The following DCDC1 variants were observed in gnomAD, a reference collection of about 807,000 sequenced individuals.
The protein encoded by DCDC1 is doublecortin domain-containing protein 1.
DCDC1 carries 200 observed loss-of-function variants against 178.3 expected under a neutral mutation model. That is an observed-to-expected ratio of 1.12 (90% CI 1.00 to 1.26). DCDC1 has a LOEUF of 1.26. DCDC1 is among the 50% of genes most tolerant of loss of function. DCDC1 has a pLI of 0.00. For synonymous variants in DCDC1, 690 were observed against 604.8 expected, an observed-to-expected ratio of 1.14 and a Z score of -2.07; for missense variants, 1,983 against 1,749.2, an observed-to-expected ratio of 1.13 and a Z score of -2.38.
chr11:30,913,200 T>C (rs1421038653), intron 27 of DCDC1, among the ~76,000 whole-genome samples: 1 of 152,026 alleles, frequency 6.6e-6, no homozygotes, highest in African/African-American at 2.4e-5. Context: ...GGAGGGCGGA[T>C]CACAAGGTCA....
chr11:31,048,255 G>A (rs953201489), intron 20 of DCDC1, among the ~76,000 whole-genome samples: 1 of 152,138 alleles, frequency 6.6e-6, no homozygotes, highest in Admixed American at 6.5e-5. Flanking sequence ...ATACAAAAAT[G>A]AGAAATTAAT....
chr11:31,346,692 A>G (rs931318023), intron 1 of DCDC1, among the ~76,000 whole-genome samples: 12 of 152,144 alleles, frequency 7.9e-5, no homozygotes, highest in Non-Finnish European at 1.8e-4. Context: ...CTTTTTTGTT[A>G]GACATATAAA....
At chr11:31,263,188 T>C (rs1944909580) in intron 8 of DCDC1, 14 of 1,002,076 alleles carry the variant, frequency 1.4e-5, no homozygotes, top group Non-Finnish European at 1.9e-5. Context: ...TAGCAGTTCA[T>C]TCAAATCTGA....
intron 9 of DCDC1, among the ~76,000 whole-genome samples, chr11:31,193,436 G>T (rs1408851705): frequency 6.6e-6 from 1 of 151,912 alleles, no homozygotes; most frequent in East Asian, 1.9e-4. Context: ...TTCATATCTT[G>T]GGTTTTCAGA....
At chr11:31,069,307 G>T (rs1309259760) in intron 18 of DCDC1, among the ~76,000 whole-genome samples, 2 of 152,044 alleles carry the variant, frequency 1.3e-5, no homozygotes, top group East Asian at 3.8e-4. Flanking sequence ...TTAGCAAAAA[G>T]AAGTTTAATC....
chr11:30,976,894 G>T (rs1950133723), intron 20 of DCDC1, among the ~76,000 whole-genome samples: 1 of 152,128 alleles, frequency 6.6e-6, no homozygotes, highest in Non-Finnish European at 1.5e-5. Flanking sequence ...TGTCTTTATT[G>T]CAGCATTATT....
chr11:31,232,192 A>C (rs1975853286), intron 9 of DCDC1, among the ~76,000 whole-genome samples: 2 of 152,236 alleles, frequency 1.3e-5, no homozygotes, highest in Admixed American at 6.5e-5. Context: ...CCATCACCAG[A>C]TCATGCCCCC....
chr11:31,172,655 T>C (rs1967393967), intron 9 of DCDC1, among the ~76,000 whole-genome samples: 1 of 152,206 alleles, frequency 6.6e-6, no homozygotes, highest in Non-Finnish European at 1.5e-5. Context: ...TTACATACTG[T>C]ATTCTTACAA....
chr11:30,941,511 C>T (rs2134390928), intron 21 of DCDC1, among the ~76,000 whole-genome samples: 1 of 152,220 alleles, frequency 6.6e-6, no homozygotes, highest in Non-Finnish European at 1.5e-5. Flanking sequence ...TGCTATTTTC[C>T]TAGAGATCTG....
At chr11:31,031,771 T>C (rs976483508) in intron 20 of DCDC1, among the ~76,000 whole-genome samples, 7 of 152,120 alleles carry the variant, frequency 4.6e-5, no homozygotes, top group Non-Finnish European at 1.0e-4. Flanking sequence ...CAAATAAGCA[T>C]TGAACCTCAA....
At chr11:31,002,858 C>T (rs890511382) in intron 20 of DCDC1, among the ~76,000 whole-genome samples, 3 of 152,038 alleles carry the variant, frequency 2.0e-5, no homozygotes, top group African/African-American at 7.2e-5. Context: ...CTATAAATTT[C>T]TGTAACAATG....
chr11:30,892,925 T>C lies in DCDC1; in HGVS notation c.4975A>G (p.Lys1659Glu), dbSNP rs1365004933. 2 of 1,613,886 alleles carry C rather than the reference T, an allele frequency of 1.2e-6. No individual in the cohort carries two copies. Among genetic ancestry groups the C allele is most frequent in the East Asian group, 2.2e-5 (1 of 44,890 alleles). ...FPIATKRIAV[K>E]PSNLYKQPNT... is the part of the protein sequence containing the mutation. ...GGCTGCTTATACAGGTTGCTCGGCT[T>C]GACTGCTATACGTTTGGTTGCAATT... Residue 1659 changes from lysine (K) to glutamate (E), a missense_variant, in exon 36 of 39, where the codon AAG (lysine) becomes GAG (glutamate). Coordinates refer to ENST00000684477, the MANE Select transcript of DCDC1 (RefSeq NM_001387274.1).
At chr11:31,299,764 A>G (rs1427533374) in intron 6 of DCDC1, among the ~76,000 whole-genome samples, 2 of 152,244 alleles carry the variant, frequency 1.3e-5, no homozygotes, top group African/African-American at 4.8e-5. Context: ...AAGGGCAGGT[A>G]GAAAAATAAC....
At chr11:31,132,432 G>A (rs1003547465) in intron 10 of DCDC1, among the ~76,000 whole-genome samples, 2 of 152,054 alleles carry the variant, frequency 1.3e-5, no homozygotes, top group Non-Finnish European at 2.9e-5. Flanking sequence ...TACATAATAT[G>A]ATTTTTTTTC....
chr11:31,350,065 A>C (rs1950998466), intron 1 of DCDC1, among the ~76,000 whole-genome samples: 1 of 152,162 alleles, frequency 6.6e-6, no homozygotes, highest in Non-Finnish European at 1.5e-5. Context: ...AAATCCCTGG[A>C]TCAAAATATA....
At chr11:31,325,809 T>C (rs1055173833) in intron 3 of DCDC1, among the ~76,000 whole-genome samples, 8 of 152,092 alleles carry the variant, frequency 5.3e-5, no homozygotes, top group African/African-American at 1.9e-4. Flanking sequence ...ATTGACTATA[T>C]TTTAATAATT....
At chr11:30,992,260 A>C (rs1951031017) in intron 20 of DCDC1, among the ~76,000 whole-genome samples, 1 of 152,228 alleles carries the variant, frequency 6.6e-6, no homozygotes, top group African/African-American at 2.4e-5. Context: ...TCTGAATCCT[A>C]CTTTCCAAAT....
intron 15 of DCDC1, among the ~76,000 whole-genome samples, chr11:31,096,498 T>C (rs1330330392): frequency 6.6e-6 from 1 of 152,214 alleles, no homozygotes; most frequent in Non-Finnish European, 1.5e-5. Flanking sequence ...TATATTCTTG[T>C]TATCTCCACA....
chr11:30,971,017 CCA>C (rs376043290), intron 20 of DCDC1, among the ~76,000 whole-genome samples: 66 of 152,134 alleles, frequency 4.3e-4, no homozygotes, highest in Non-Finnish European at 7.2e-4. Context: ...GCTGGTGCGC[CCA>C]CACACACACA....
Sources: gnomAD v4.1 joint callset for allele counts (sites outside exome capture counted in the v4.1 genomes callset) on GRCh38, gnomAD v4.1.1 for gene constraint, MANE v1.5 for transcripts, NCBI Gene and HGNC (gene_info 2026-07-23, HGNC 2026-07-21) for gene names.